The following SEC63 variants were observed in gnomAD, a reference collection of about 807,000 sequenced individuals.
The protein encoded by SEC63 is translocation protein SEC63 homolog.
Under a neutral mutation model 116.2 loss-of-function variants are expected in SEC63, and 56 were observed. That is an observed-to-expected ratio of 0.48 (90% CI 0.39 to 0.60). The LOEUF is 0.60. Among genes scored for constraint, SEC63 ranks in the 20% least tolerant of loss-of-function variants. The pLI, the probability that SEC63 is intolerant of heterozygous loss-of-function variation, is 0.00. For missense variants in SEC63, 668 were observed against 900.0 expected (o/e 0.74, Z 3.30); for synonymous variants, 273 against 294.6 (o/e 0.93, Z 0.75).
At chr6:107,886,848 T>G (rs1394498780) in intron 16 of SEC63, among the ~76,000 whole-genome samples, 1 of 148,996 alleles carries the variant, frequency 6.7e-6, no homozygotes, top group Non-Finnish European at 1.5e-5. Flanking sequence ...TTTTTGGGTT[T>G]TTTTTTTTTT....
At chr6:107,908,825 T>A (rs1324617622) in intron 8 of SEC63, 102 bp downstream of exon 8, 3 of 688,486 alleles carry the variant, frequency 4.4e-6, no homozygotes, top group Non-Finnish European at 7.8e-6. Context: ...TATAAAACTG[T>A]ACAATAGAAT....
At chr6:107,892,686 C>T (rs923829392) in intron 16 of SEC63, among the ~76,000 whole-genome samples, 1 of 152,066 alleles carries the variant, frequency 6.6e-6, no homozygotes, top group African/African-American at 2.4e-5. Context: ...AGACAAACAA[C>T]CCAATAGAAA....
At chr6:107,934,651 C>A (rs1249855749) in intron 1 of SEC63, among the ~76,000 whole-genome samples, 4 of 136,116 alleles carry the variant, frequency 2.9e-5, no homozygotes, top group Non-Finnish European at 6.4e-5. Flanking sequence ...AGGCCAGCCA[C>A]CCCGTCCAGG....
intron 16 of SEC63, among the ~76,000 whole-genome samples, chr6:107,892,917 G>A (rs1334061381): frequency 3.3e-5 from 5 of 152,112 alleles, no homozygotes; most frequent in South Asian, 2.1e-4. Context: ...CTCTTTTAAC[G>A]AGTTAAGCAT....
chr6:107,902,467 TATTTG>T (rs1323336895), intron 12 of SEC63, among the ~76,000 whole-genome samples: 7 of 152,316 alleles, frequency 4.6e-5, no homozygotes, highest in Non-Finnish European at 1.0e-4. Context: ...GAACTGTCTT[TATTTG>T]ATTTATTAAA....
intron 16 of SEC63, among the ~76,000 whole-genome samples, chr6:107,892,647 T>C (rs1786710452): frequency 1.3e-5 from 2 of 152,074 alleles, no homozygotes; most frequent in African/African-American, 4.8e-5. Context: ...ATCCAGAATA[T>C]ATACAGAATT....
intron 1 of SEC63, among the ~76,000 whole-genome samples, chr6:107,936,440 G>A (rs978906130): frequency 3.9e-5 from 6 of 152,138 alleles, no homozygotes; most frequent in Admixed American, 3.9e-4. Flanking sequence ...TTTTTAATAA[G>A]ACACTTAACA....
At chr6:107,929,585 TTAAC>T in intron 1 of SEC63, 71 bp from the exon 2 acceptor site, 1 of 837,370 alleles carries the variant, frequency 1.2e-6, no homozygotes, top group Non-Finnish European at 2.1e-6. Context: ...AGCTAACTGG[TTAAC>T]TAACCTTCAT....
chr6:107,915,566 A>T (rs1375106953), intron 4 of SEC63, among the ~76,000 whole-genome samples: 1 of 152,134 alleles, frequency 6.6e-6, no homozygotes, highest in African/African-American at 2.4e-5. Context: ...GCAAAATCTC[A>T]ATTCTATCTA....
In SEC63 at chr6:107,881,165, C is replaced by T; in HGVS notation, c.1919G>A (p.Ser640Asn). The T allele has an allele frequency of 6.2e-7, 1 of 1,607,898 alleles. No individual in the cohort carries two copies. The highest frequency in any genetic ancestry group is 1.1e-5 in the South Asian group (1 of 90,928). Residue 640 changes from serine (S) to asparagine (N), a missense_variant, in exon 18 of 21, where the codon AGC (serine) becomes AAC (asparagine). This residue lies in a region of SEC63 where 430 missense variants were observed against 557.5 expected (regional missense o/e 0.77). Coordinates refer to ENST00000369002, the MANE Select transcript of SEC63 (RefSeq NM_007214.5). ...ATAACTCACCTCAGGAAAGTAAAGG[C>T]TATACACAGGATGTGTTATTTTTGA... is the stretch of plus-strand genomic sequence containing the variant. ...TKSKITHPVY[S>N]LYFPEEKQEW...
At chr6:107,905,424 T>C (rs1787128283) in intron 10 of SEC63, among the ~76,000 whole-genome samples, 1 of 152,216 alleles carries the variant, frequency 6.6e-6, no homozygotes, top group Non-Finnish European at 1.5e-5. Context: ...ACTGCATTAC[T>C]GCCTTAAAGG....
chr6:107,902,974 A>G lies in SEC63; in HGVS notation c.1079T>C (p.Leu360Ser). ...CTTCATGCAGTTTTCTAGGGATGCC[A>G]AAGTTGGAGCACGAAACTCCCTTTC... ...REEREFRAPT[L>S]ASLENCMKLS... Residue 360 changes from leucine (L) to serine (S), a missense_variant, in exon 12 of 21, where the codon TTG becomes TCG. By Grantham distance (145) the Leu-to-Ser change is moderately radical. Coordinates refer to ENST00000369002, the MANE Select transcript of SEC63 (RefSeq NM_007214.5). 2 of 1,614,138 alleles carry G rather than the reference A, an allele frequency of 1.2e-6. No homozygotes were observed. The highest frequency in any genetic ancestry group is 1.7e-6 in the Non-Finnish European group (2 of 1,180,012).
intron 8 of SEC63, among the ~76,000 whole-genome samples, chr6:107,907,525 T>TGAGCTGAGATTGTGCC (rs1213239223): frequency 1.3e-5 from 2 of 152,146 alleles, no homozygotes; most frequent in East Asian, 3.9e-4. Context: ...GACGTTGTGG[T>TGAGCTGAGATTGTGCC]GAGCTGAGAT....
At position 107,897,243 on chromosome 6, in the gene SEC63, A is replaced by G. The variant is rs563840720; in HGVS notation, c.1440+406T>C. Among the ~76,000 whole-genome samples the G allele has an allele frequency of 8.7e-4, 132 of 152,300 alleles. 2 individuals are homozygous for G. Among genetic ancestry groups the G allele is most frequent in the African/African-American group, 3.1e-3 (128 of 41,554 alleles). ...TTTCCAGACAACATAAATGTTTCAC[A>G]TTATCAGGAAAAAAAATGTTATTTT... On this transcript the variant is annotated intron_variant, in intron 14 of 20. Coordinates refer to ENST00000369002, the MANE Select transcript of SEC63 (RefSeq NM_007214.5).
At chr6:107,928,866 G>A (rs1012165458) in intron 2 of SEC63, among the ~76,000 whole-genome samples, 4 of 152,150 alleles carry the variant, frequency 2.6e-5, no homozygotes, top group African/African-American at 9.7e-5. Flanking sequence ...TTAAAATAAA[G>A]GGTGATTAGG....
intron 13 of SEC63, among the ~76,000 whole-genome samples, chr6:107,899,735 A>C (rs1786954787): frequency 6.6e-6 from 1 of 152,214 alleles, no homozygotes; most frequent in Admixed American, 6.5e-5. Context: ...AAAGAAAAGA[A>C]AAGAAAAGAA....
rs200730183 is a variant in SEC63 at position 107,918,973 on chromosome 6, C to CA, written c.452+2823dup. Reference sequence around the variant, plus strand: ...TCGCCCAGGCTGGAGTGCAATGGCACAATCTTGGCCCACCCCAACCTCCGC... The same window carrying CA: ...TCGCCCAGGCTGGAGTGCAATGGCACAAATCTTGGCCCACCCCAACCTCCGC... On this transcript the variant is annotated intron_variant, in intron 4 of 20. Coordinates refer to ENST00000369002, the MANE Select transcript of SEC63 (RefSeq NM_007214.5). 4.1e-3 allele frequency among the ~76,000 whole-genome samples: 534 copies of CA among 131,742 alleles called. 11 individuals are homozygous for CA. Among genetic ancestry groups the CA allele is most frequent in the African/African-American group, 0.014 (506 of 35,884 alleles). The allele number at this position is 131,742 out of a possible 152,430, so 86.4% of individuals were successfully genotyped here.
intron 2 of SEC63, among the ~76,000 whole-genome samples, chr6:107,928,559 G>A (rs538266364): frequency 6.7e-6 from 1 of 150,304 alleles, no homozygotes; most frequent in African/African-American, 2.4e-5. Context: ...AAAACTAAAC[G>A]CCCTGAAATT....
At chr6:107,912,985 A>C (rs1400650131) in intron 5 of SEC63, among the ~76,000 whole-genome samples, 1 of 152,206 alleles carries the variant, frequency 6.6e-6, no homozygotes, top group Non-Finnish European at 1.5e-5. Context: ...TTCAAGGAAA[A>C]AGAAACCCTG....
Sources: allele counts gnomAD v4.1 joint callset (sites outside exome capture counted in the v4.1 genomes callset), GRCh38; gene constraint gnomAD v4.1.1; regional missense constraint gnomAD v4.1.1; transcripts MANE v1.5; gene names NCBI Gene and HGNC (gene_info 2026-07-23, HGNC 2026-07-21).